MST1R: variants seen among roughly 807,000 people sequenced by gnomAD.
The protein encoded by MST1R is macrophage-stimulating protein receptor.
MST1R carries 99 observed loss-of-function variants against 117.8 expected under a neutral mutation model. That is an observed-to-expected ratio of 0.84 (90% CI 0.71 to 0.99). MST1R has a LOEUF of 0.99. MST1R is among the 50% of genes least tolerant of loss of function. MST1R has a pLI of 0.00. For synonymous variants in MST1R, 734 were observed against 765.3 expected (o/e 0.96, Z 0.68); for missense variants, 1,683 against 1,840.2 (o/e 0.91, Z 1.56).
In MST1R at chr3:49,890,576, C is replaced by G. The variant is rs750667546; in HGVS notation, c.3719G>C (p.Ser1240Thr). ...ARDILDREYY[S>T]VQQHRHARLP... Reference sequence around the variant, plus strand: ...GCGAGCGTGGCGATGCTGTTGAACACTATAGTACTCCCTGTCCAGGATGTC... The same window carrying G: ...GCGAGCGTGGCGATGCTGTTGAACAGTATAGTACTCCCTGTCCAGGATGTC... The change falls in exon 18 of 20, where the codon AGT (serine) becomes ACT (threonine). Residue 1240 changes from serine (S) to threonine (T), a missense_variant. Transcript: ENST00000296474. 1.4e-5 allele frequency: 23 copies of G among 1,614,044 alleles called. No individual in the cohort carries two copies. The highest frequency in any genetic ancestry group is 1.9e-5 in the Non-Finnish European group (23 of 1,180,012).
At chr3:49,902,328 G>C (rs2082706177) in intron 1 of MST1R, 52 bp downstream of exon 1, 5 of 1,574,870 alleles carry the variant, frequency 3.2e-6, no homozygotes, top group Non-Finnish European at 4.3e-6. Flanking sequence ...AGCAGCCTGT[G>C]TTCAGCCATG....
chr3:49,897,185 C>A (rs1372780239), intron 7 of MST1R, 95 bp downstream of exon 7: 2 of 1,494,556 alleles, frequency 1.3e-6, no homozygotes, highest in East Asian at 4.5e-5. Context: ...CCACACTGAC[C>A]ATGTAACAAG....
rs764614361 is a variant in MST1R, at chr3:49,897,250, G to A, written c.2183+30C>T. 29 of 1,577,170 alleles carry A rather than the reference G, an allele frequency of 1.8e-5. 1 individual carries two copies. Among genetic ancestry groups the A allele is most frequent in the Middle Eastern group, 1.7e-4 (1 of 5,902 alleles). On this transcript the variant is annotated intron_variant, in intron 7 of 19. Transcript: ENST00000296474. ...GGTCCCCACCTGGATAGAACCCTGC[G>A]GCCTCCCATGCCTGCCTGGTGGTAC... is the stretch of plus-strand genomic sequence containing the variant.
chr3:49,903,644 G>A lies in MST1R; in HGVS notation c.-35C>T, dbSNP rs2082771446. 1 of 1,534,450 alleles carries A rather than the reference G, an allele frequency of 6.5e-7. No homozygotes were observed. The highest frequency in any genetic ancestry group is 1.4e-5 in the African/African-American group (1 of 73,228). On this transcript the variant is annotated 5_prime_UTR_variant, in exon 1 of 20. Coordinates refer to ENST00000296474, the MANE Select transcript of MST1R (RefSeq NM_002447.4). ...CTGGGACCCTAGAGGATCCCTACCG[G>A]CCTGGGCCTGGACCTGGGCGTGGGC...
chr3:49,895,839 C>T lies in MST1R; in HGVS notation c.2838G>A (p.Val946=), dbSNP rs143962638. The change falls in exon 12 of 20, where the codon GTG becomes GTA. Residue 946 remains valine, a synonymous_variant. Transcript: ENST00000296474. ...GTGGGACCCCATCTGGCCCTGGCCG[C>T]ACCACTCTACCCAGGATATGACATT... ...DGECHILGRV[V]RPGPDGVPQS... is the part of the protein sequence containing the mutation. 10 of 1,613,026 alleles carry T rather than the reference C, an allele frequency of 6.2e-6. No individual in the cohort carries two copies. Among genetic ancestry groups the T allele is most frequent in the Admixed American group, 1.7e-5 (1 of 59,936 alleles).
chr3:49,897,674 C>T lies in MST1R; in HGVS notation c.1892G>A (p.Arg631Gln), dbSNP rs370774556. The change falls in exon 6 of 20, where the codon CGG becomes CAG. Residue 631 changes from arginine to glutamine, a missense_variant. Arg to Gln is a conservative substitution (Grantham distance 43). Transcript: ENST00000296474. ...CTCAAACTCCTCTACAAAGTCTTTC[C>T]GGGGCACTGGTCTGGGGCACCAGGG... ...KDSSKLRPVP[R>Q]KDFVEEFECE... 65 of 1,612,258 alleles carry T rather than the reference C, an allele frequency of 4.0e-5. 1 individual carries two copies. The highest frequency in any genetic ancestry group is 2.1e-4 in the African/African-American group (16 of 74,922).
At position 49,891,492 on chromosome 3, in the gene MST1R, A is replaced by C. The variant is rs1489212330; in HGVS notation, c.3441T>G (p.Ile1147Met). Residue 1147 changes from isoleucine (I) to methionine (M), a missense_variant, in exon 16 of 20, where the codon ATT becomes ATG. Coordinates refer to ENST00000296474, the MANE Select transcript of MST1R (RefSeq NM_002447.4). ...GGCCCTCAGGTGGCAACATGATACC[A>C]ATGAGAGCCAGCACATTCGGGTGGT... The part of the protein sequence containing the change: ...GLNHPNVLAL[I>M]GIMLPPEGLP... The C allele has an allele frequency of 2.5e-6, 4 of 1,613,864 alleles. No homozygotes were observed. The highest frequency in any genetic ancestry group is 3.4e-6 in the Non-Finnish European group (4 of 1,180,034).
In MST1R at chr3:49,887,494, C is replaced by T. The variant is rs761926839; in HGVS notation, c.4016G>A (p.Gly1339Glu). 1.2e-6 allele frequency: 2 copies of T among 1,614,222 alleles called. No homozygotes were observed. Among genetic ancestry groups the T allele is most frequent in the Non-Finnish European group, 1.7e-6 (2 of 1,180,032 alleles). Reference sequence around the variant, plus strand: ...TGCAGACACTATCTGCTCCACCTCCCCCACTAGTACTCTGAAGGTGGGTCG... The same window carrying T: ...TGCAGACACTATCTGCTCCACCTCCTCCACTAGTACTCTGAAGGTGGGTCG... ...AVRPTFRVLVGEVEQIVSALL... is the reference protein window; with the variant it reads ...AVRPTFRVLVEEVEQIVSALL... Residue 1339 changes from glycine to glutamate, a missense_variant, in exon 20 of 20, where the codon GGG becomes GAG. Transcript: ENST00000296474.
intron 5 of MST1R, 29 bp downstream of exon 5, chr3:49,898,022 G>A (rs1443103553): frequency 8.1e-6 from 13 of 1,613,638 alleles, no homozygotes; most frequent in Non-Finnish European, 7.6e-6. Flanking sequence ...CCCCCTTCAG[G>A]GAAAGGGAGG....
chr3:49,894,382 A>G (rs2082405437), intron 14 of MST1R, among the ~76,000 whole-genome samples: 1 of 152,076 alleles, frequency 6.6e-6, no homozygotes, highest in South Asian at 2.1e-4. Context: ...GGACAACATG[A>G]TTCGAGGCCC....
intron 1 of MST1R, chr3:49,899,529 C>CCCATT: frequency 2.6e-6 from 1 of 388,116 alleles, no homozygotes; most frequent in Non-Finnish European, 4.9e-6. Context: ...GTGAGTTACC[C>CCCATT]CCATTCCATC....
chr3:49,887,376 C>G lies in MST1R; in HGVS notation c.4134G>C (p.Pro1378=), dbSNP rs374431656. Residue 1378 remains proline, a synonymous_variant, in exon 20 of 20, where the codon CCG becomes CCC. Coordinates refer to ENST00000296474, the MANE Select transcript of MST1R (RefSeq NM_002447.4). ...CATTCCCTGGCATGGGTGAGAACTG[C>G]GGCTGTTCTGGACGCACATTCATCT... ...SHEMNVRPEQ[P]QFSPMPGNVR... 76 of 1,614,110 alleles carry G rather than the reference C, an allele frequency of 4.7e-5. No homozygotes were observed. Among genetic ancestry groups the G allele is most frequent in the Non-Finnish European group, 5.7e-5 (67 of 1,180,040 alleles).
chr3:49,888,642 C>A (rs561948775), intron 19 of MST1R, among the ~76,000 whole-genome samples: 1 of 151,832 alleles, frequency 6.6e-6, no homozygotes, highest in African/African-American at 2.4e-5. Flanking sequence ...GCATTTGGGG[C>A]AGCACCAGTG....
At chr3:49,894,337 C>A (rs2082403971) in intron 14 of MST1R, among the ~76,000 whole-genome samples, 2 of 152,130 alleles carry the variant, frequency 1.3e-5, no homozygotes, top group South Asian at 4.1e-4. Flanking sequence ...GTTAGGCAGG[C>A]AGATTGCTTG....
At chr3:49,900,506 C>A (rs1233521720) in intron 1 of MST1R, among the ~76,000 whole-genome samples, 1 of 152,168 alleles carries the variant, frequency 6.6e-6, no homozygotes, top group Non-Finnish European at 1.5e-5. Flanking sequence ...GAGGCTTAAC[C>A]CAGTCCTGAG....
intron 1 of MST1R, 134 bp downstream of exon 1, chr3:49,902,246 T>A (rs889154567): frequency 3.1e-6 from 4 of 1,288,004 alleles, no homozygotes; most frequent in South Asian, 1.4e-5. Flanking sequence ...ACTTAGGAAC[T>A]GGGTGAGAGA....
chr3:49,892,909 G>A (rs565450849), intron 14 of MST1R, among the ~76,000 whole-genome samples: 1 of 151,888 alleles, frequency 6.6e-6, no homozygotes, highest in South Asian at 2.1e-4. Flanking sequence ...GCAGTGAGCC[G>A]AGATTGCACT....
Position 49,898,507 on chromosome 3 carries a change from G to A in MST1R, c.1719+11C>T. 1.2e-6 allele frequency: 2 copies of A among 1,612,234 alleles called. No individual in the cohort carries two copies. The highest frequency in any genetic ancestry group is 8.5e-7 in the Non-Finnish European group (1 of 1,179,294). ...CCCACTCTTACCTGTGCCCTGCCAG[G>A]GAAGCCATACCTCAGTAAGCTTAGG... On this transcript the variant is annotated intron_variant, in intron 4 of 19. Coordinates refer to ENST00000296474, the MANE Select transcript of MST1R (RefSeq NM_002447.4).
intron 17 of MST1R, among the ~76,000 whole-genome samples, 156 bp downstream of exon 17, chr3:49,891,041 A>G (rs931269388): frequency 4.6e-5 from 7 of 152,170 alleles, no homozygotes; most frequent in Non-Finnish European, 2.9e-5. Flanking sequence ...TCAAAGCCAC[A>G]GTGTCCAGTC....
Sources: allele counts gnomAD v4.1 joint callset (sites outside exome capture counted in the v4.1 genomes callset), GRCh38; gene constraint gnomAD v4.1.1; transcripts MANE v1.5; gene names NCBI Gene and HGNC (gene_info 2026-07-23, HGNC 2026-07-21).